The following DENND1B variants were observed in gnomAD, a reference collection of about 807,000 sequenced individuals.
The protein encoded by DENND1B is DENN domain-containing protein 1B.
DENND1B carries 59 observed loss-of-function variants against 90.1 expected under a neutral mutation model. The ratio of observed to expected loss-of-function variants is 0.65; its 90% CI spans 0.53 to 0.81. The LOEUF is 0.81. DENND1B is among the 40% of genes least tolerant of loss of function. The pLI is 0.00. For synonymous variants in DENND1B, 337 were observed against 324.6 expected (o/e 1.04, Z -0.41); for missense variants, 862 against 912.6 (o/e 0.94, Z 0.71).
At chr1:197,762,758 A>G (rs1051258344) in intron 2 of DENND1B, among the ~76,000 whole-genome samples, 2 of 151,998 alleles carry the variant, frequency 1.3e-5, no homozygotes, top group Admixed American at 6.6e-5. Context: ...TGTGTATCCG[A>G]GCATTTAAAA....
chr1:197,747,419 A>T, intron 2 of DENND1B: 1 of 435,174 alleles, frequency 2.3e-6, no homozygotes. Flanking sequence ...CATCACTTTC[A>T]TTTAGGCCAG....
At chr1:197,705,558 C>T (rs1245710872) in intron 3 of DENND1B, among the ~76,000 whole-genome samples, 1 of 151,134 alleles carries the variant, frequency 6.6e-6, no homozygotes, top group Non-Finnish European at 1.5e-5. Flanking sequence ...CTGACAAGTA[C>T]ATTATCACTC....
Position 197,586,529 on chromosome 1 carries a change from A to AATCT in DENND1B, c.1048-3277_1048-3276insAGAT, listed in dbSNP as rs576800905. Among the ~76,000 whole-genome samples the AATCT allele has an allele frequency of 2.6e-4, 39 of 152,342 alleles. No homozygotes were observed. The South Asian group carries it at 8.1e-3, about 32-fold the overall frequency. Reference sequence around the variant, plus strand: ...ACCACTGATATCGACAGTAACAAGTAGGGGTCAAAGGTGACTTCCAGATTT... The same window carrying AATCT: ...ACCACTGATATCGACAGTAACAAGTAATCTGGGGTCAAAGGTGACTTCCAGATTT... On this transcript the variant is annotated intron_variant, in intron 14 of 22. Transcript: ENST00000620048.
At chr1:197,778,751 T>C (rs536785173), upstream of DENND1B, among the ~76,000 whole-genome samples, 113 of 152,276 alleles carry the variant, frequency 7.4e-4, no homozygotes, top group African/African-American at 2.6e-3. Context: ...ATTTTGTACT[T>C]CCCGTTTGTT....
At chr1:197,657,902 A>G (rs1275008352) in intron 6 of DENND1B, among the ~76,000 whole-genome samples, 3 of 152,190 alleles carry the variant, frequency 2.0e-5, no homozygotes, top group African/African-American at 7.2e-5. Flanking sequence ...GTGTATTGAT[A>G]TTCAGTCTTA....
At chr1:197,542,937 A>ATTTT (rs1558219512) in intron 18 of DENND1B, among the ~76,000 whole-genome samples, 3 of 151,492 alleles carry the variant, frequency 2.0e-5, no homozygotes, top group African/African-American at 2.4e-5. Context: ...TTATTTATTT[A>ATTTT]TTTATTTTTT....
At chr1:197,565,678 C>G (rs2125715262) in intron 15 of DENND1B, among the ~76,000 whole-genome samples, 1 of 141,460 alleles carries the variant, frequency 7.1e-6, no homozygotes, top group African/African-American at 2.6e-5. Context: ...TGTGATGTTC[C>G]CCTTCCTGTG....
At position 197,775,197 on chromosome 1, in the gene DENND1B, G is replaced by A. The variant is rs1266054773; in HGVS notation, c.-42C>T. The A allele has an allele frequency of 2.4e-6, 3 of 1,256,402 alleles. No individual in the cohort carries two copies. The highest frequency in any genetic ancestry group is 3.6e-5 in the South Asian group (1 of 28,128). The allele number at this position is 1,256,402 out of a possible 1,614,324, so 77.8% of individuals were successfully genotyped here. A position where few individuals can be genotyped will look rare whatever the true frequency, so the allele number is the denominator to read the frequency against. On this transcript the variant is annotated 5_prime_UTR_variant, in exon 1 of 23. Transcript: ENST00000620048. Reference sequence around the variant, plus strand: ...GGGGCTGTCCGTCCGGCCCCCGCGCGCTGGCCTGGAAGCCCGCAGCCCGGC... The same window carrying A: ...GGGGCTGTCCGTCCGGCCCCCGCGCACTGGCCTGGAAGCCCGCAGCCCGGC...
chr1:197,587,678 T>C (rs1674823652), intron 14 of DENND1B, among the ~76,000 whole-genome samples: 1 of 152,326 alleles, frequency 6.6e-6, no homozygotes, highest in East Asian at 1.9e-4. Context: ...GACGCGGGTT[T>C]TGTGGAAGAC....
At chr1:197,541,798 T>C (rs1049243345) in intron 18 of DENND1B, among the ~76,000 whole-genome samples, 2 of 152,202 alleles carry the variant, frequency 1.3e-5, no homozygotes, top group African/African-American at 4.8e-5. Context: ...ATCACAACAA[T>C]TCTGTAAGAT....
chr1:197,761,354 CTG>C (rs1233671482), intron 2 of DENND1B, among the ~76,000 whole-genome samples: 2 of 151,940 alleles, frequency 1.3e-5, no homozygotes, highest in Non-Finnish European at 2.9e-5. Flanking sequence ...CTAAAATACA[CTG>C]TAATCTTGAA....
chr1:197,540,878 C>A, intron 19 of DENND1B, 81 bp downstream of exon 19: 1 of 1,326,330 alleles, frequency 7.5e-7, no homozygotes, highest in African/African-American at 1.5e-5. Context: ...TCATTAAAAA[C>A]ACAAATTTCT....
intron 7 of DENND1B, among the ~76,000 whole-genome samples, chr1:197,650,325 T>C (rs1004774558): frequency 6.6e-6 from 1 of 152,188 alleles, no homozygotes; most frequent in African/African-American, 2.4e-5. Context: ...ACTAAACAAA[T>C]ATTAAACTGA....
intron 5 of DENND1B, among the ~76,000 whole-genome samples, chr1:197,664,294 T>C (rs1654719028): frequency 6.6e-6 from 1 of 152,078 alleles, no homozygotes; most frequent in Admixed American, 6.6e-5. Context: ...CTCGACATAT[T>C]GTAACAAGTG....
intron 20 of DENND1B, among the ~76,000 whole-genome samples, chr1:197,537,028 A>G (rs908563065): frequency 6.8e-6 from 1 of 146,718 alleles, no homozygotes; most frequent in African/African-American, 2.5e-5. Context: ...GGGACAGAGC[A>G]AGACTCCGTC....
At chr1:197,780,540 G>A (rs552134820), upstream of DENND1B, among the ~76,000 whole-genome samples, 148 of 152,004 alleles carry the variant, frequency 9.7e-4, no homozygotes, top group African/African-American at 3.5e-3. Flanking sequence ...TGGTCAGGAC[G>A]GTCTCCATCT....
intron 2 of DENND1B, among the ~76,000 whole-genome samples, chr1:197,720,563 C>T (rs927342896): frequency 2.0e-5 from 1 of 50,916 alleles, no homozygotes; most frequent in South Asian, 7.8e-4. Flanking sequence ...TATATTCAGC[C>T]TGATTAAAAA....
rs369053859 is a variant in DENND1B at position 197,749,760 on chromosome 1, A to T, written c.82+23108T>A. On this transcript the variant is annotated intron_variant, in intron 2 of 22. Transcript: ENST00000620048. ...TCTTAACTTTTTAAAAAAGGAACTG[A>T]TTGTCTAAACAAAAATAATTATGGG... is the stretch of plus-strand genomic sequence containing the variant. Among the ~76,000 whole-genome samples the T allele has an allele frequency of 5.3e-5, 8 of 152,248 alleles. No individual in the cohort carries two copies. In the East Asian group the frequency reaches 1.3e-3, roughly 26 times the overall value.
chr1:197,664,761 T>C (rs905120144), intron 5 of DENND1B, among the ~76,000 whole-genome samples: 13 of 151,970 alleles, frequency 8.6e-5, no homozygotes, highest in Admixed American at 2.0e-4. Flanking sequence ...GTCTGGAAAA[T>C]TGACACAAAA....
Sources: allele counts gnomAD v4.1 joint callset (sites outside exome capture counted in the v4.1 genomes callset), GRCh38; gene constraint gnomAD v4.1.1; transcripts MANE v1.5; gene names NCBI Gene and HGNC (gene_info 2026-07-23, HGNC 2026-07-21).